NF1: variants seen among roughly 807,000 people sequenced by gnomAD.
NF1 encodes neurofibromin 1.
NF1 carries 122 observed loss-of-function variants against 325.7 expected under a neutral mutation model. That is an observed-to-expected ratio of 0.37 (90% CI 0.32 to 0.44). The LOEUF (loss-of-function observed/expected upper bound fraction) is 0.44. Ranked by LOEUF, NF1 falls within the 20% of genes least tolerant of loss-of-function variation. NF1 has a pLI of 1.00. For missense variants in NF1, 2,140 were observed against 3,415.4 expected, an observed-to-expected ratio of 0.63 and a Z score of 9.31; for synonymous variants, 1,091 against 1,186.0, an observed-to-expected ratio of 0.92 and a Z score of 1.65.
chr17:31,141,113 C>T (rs999080112), intron 1 of NF1, among the ~76,000 whole-genome samples: 1 of 152,120 alleles, frequency 6.6e-6, no homozygotes, highest in African/African-American at 2.4e-5. Flanking sequence ...CACACACACA[C>T]ATAGTAACTA....
At chr17:31,188,220 T>G (rs931618802) in intron 8 of NF1, among the ~76,000 whole-genome samples, 1 of 152,170 alleles carries the variant, frequency 6.6e-6, no homozygotes, top group Non-Finnish European at 1.5e-5. Flanking sequence ...TAGAAGAAGG[T>G]AGTCATCAAT....
chr17:31,317,747 C>G (rs577913414), intron 36 of NF1: 1 of 152,146 alleles, frequency 6.6e-6, no homozygotes. Flanking sequence ...CACTTTCTTA[C>G]GTGTGCCATA....
At chr17:31,226,818 T>G (rs973173508) in intron 18 of NF1, 134 bp downstream of exon 18, 16 of 1,205,468 alleles carry the variant, frequency 1.3e-5, no homozygotes, top group Non-Finnish European at 1.7e-5. Flanking sequence ...AATCCTTTTC[T>G]GAACAAAGTA....
At chr17:31,311,949 T>C (rs185408610) in intron 36 of NF1, among the ~76,000 whole-genome samples, 99 of 152,268 alleles carry the variant, frequency 6.5e-4, no homozygotes, top group African/African-American at 2.2e-3. Context: ...AGGAAAGAAA[T>C]ACCTGAAAAC....
intron 1 of NF1, among the ~76,000 whole-genome samples, chr17:31,135,925 CCTT>C (rs1915735291): frequency 6.6e-6 from 1 of 151,884 alleles, no homozygotes; most frequent in South Asian, 2.1e-4. Context: ...TTTTTTTACC[CCTT>C]GAGTCTCAGA....
chr17:31,333,721 A>C (rs368805445), intron 39 of NF1, among the ~76,000 whole-genome samples: 1 of 152,286 alleles, frequency 6.6e-6, no homozygotes. Context: ...GGTTCTAGAG[A>C]TGGATGGTGG....
At chr17:31,202,117 G>A (rs2066541237) in intron 11 of NF1, among the ~76,000 whole-genome samples, 1 of 152,202 alleles carries the variant, frequency 6.6e-6, no homozygotes, top group Non-Finnish European at 1.5e-5. Context: ...GTCTGATGTG[G>A]AGACATTAAA....
At chr17:31,287,076 A>AT (rs1315042495) in intron 36 of NF1, among the ~76,000 whole-genome samples, 4 of 152,290 alleles carry the variant, frequency 2.6e-5, no homozygotes, top group South Asian at 4.1e-4. Flanking sequence ...CAGACATCTA[A>AT]TTTTTTACTG....
rs193283159 is a variant in NF1 at position 31,130,804 on chromosome 17, C to T, written c.61-25179C>T. Among the ~76,000 whole-genome samples the T allele has an allele frequency of 4.1e-3, 628 of 152,266 alleles. 6 individuals carry two copies. Among genetic ancestry groups the T allele is most frequent in the African/African-American group, 0.014 (601 of 41,556 alleles). On this transcript the variant is annotated intron_variant, in intron 1 of 57. Coordinates refer to ENST00000358273, the MANE Select transcript of NF1 (RefSeq NM_001042492.3). ...GGAAAACAAGGTACACCTGTGCACA[C>T]GTGTGGGCAAAGCATTTGGAGGGTG... is the stretch of plus-strand genomic sequence containing the variant.
chr17:31,143,477 C>A (rs1336889593), intron 1 of NF1, among the ~76,000 whole-genome samples: 1 of 152,088 alleles, frequency 6.6e-6, no homozygotes, highest in Non-Finnish European at 1.5e-5. Context: ...CACTTTGTTG[C>A]CCAGGCTGGT....
chr17:31,269,412 CAAT>C lies in NF1; in HGVS notation c.4835+4075_4835+4077del, dbSNP rs1397483268. Among the ~76,000 whole-genome samples the C allele has an allele frequency of 5.3e-5, 8 of 152,168 alleles. No homozygotes were observed. The East Asian group carries it at 1.4e-3, about 26-fold the overall frequency. On this transcript the variant is annotated intron_variant, in intron 36 of 57. Coordinates refer to ENST00000358273, the MANE Select transcript of NF1 (RefSeq NM_001042492.3). ...TATATAGTGGCAACAAAAAGGAAAA[CAAT>C]AGAGTTGTGTTTCAAAAGGGGAATT...
At chr17:31,249,143 CATT>C in intron 30 of NF1, 24 bp downstream of exon 30, 1 of 1,610,894 alleles carries the variant, frequency 6.2e-7, no homozygotes, top group Non-Finnish European at 8.5e-7. Context: ...TAGAGATTAC[CATT>C]ATTAATCTAA....
At chr17:31,268,551 C>T (rs912193904) in intron 36 of NF1, among the ~76,000 whole-genome samples, 3 of 150,556 alleles carry the variant, frequency 2.0e-5, no homozygotes, top group Non-Finnish European at 3.0e-5. Flanking sequence ...TGCTTGAACC[C>T]GGGAGGTGGA....
chr17:31,296,609 C>T, intron 36 of NF1: 1 of 421,830 alleles, frequency 2.4e-6, no homozygotes, highest in Non-Finnish European at 4.4e-6. Context: ...CTTTTCTAAC[C>T]ATATTCTTTC....
intron 35 of NF1, among the ~76,000 whole-genome samples, chr17:31,263,977 G>A (rs1420037973): frequency 2.6e-5 from 4 of 152,174 alleles, no homozygotes; most frequent in Non-Finnish European, 4.4e-5. Context: ...ATGATATCTA[G>A]GTTGTTTCCA....
At chr17:31,322,478 G>A (rs1340973807) in intron 36 of NF1, among the ~76,000 whole-genome samples, 2 of 103,484 alleles carry the variant, frequency 1.9e-5, no homozygotes, top group Non-Finnish European at 3.6e-5. Context: ...CTCCAGCCAG[G>A]AAGACAGAGT....
intron 25 of NF1, among the ~76,000 whole-genome samples, 192 bp from the exon 26 acceptor site, chr17:31,232,508 A>G (rs1178988225): frequency 6.6e-6 from 1 of 152,186 alleles, no homozygotes; most frequent in Non-Finnish European, 1.5e-5. Flanking sequence ...ATACTAGGCT[A>G]TATCAGGTAA....
At chr17:31,368,232 G>T (rs2070568817) in intron 57 of NF1, among the ~76,000 whole-genome samples, 1 of 152,170 alleles carries the variant, frequency 6.6e-6, no homozygotes, top group Admixed American at 6.5e-5. Context: ...CGCCTCCCCA[G>T]TTCAAGCGAT....
intron 36 of NF1, chr17:31,305,486 A>AC: frequency 6.2e-7 from 1 of 1,614,196 alleles, no homozygotes; most frequent in Non-Finnish European, 8.5e-7. Context: ...AATACCTGTG[A>AC]CATTGATGAT....
Sources: allele counts gnomAD v4.1 joint callset (sites outside exome capture counted in the v4.1 genomes callset), GRCh38; gene constraint gnomAD v4.1.1; transcripts MANE v1.5; gene names NCBI Gene and HGNC (gene_info 2026-07-23, HGNC 2026-07-21).